The following FHIT variants were observed in gnomAD, a reference collection of about 807,000 sequenced individuals.
FHIT encodes bis(5'-adenosyl)-triphosphatase.
In FHIT, 19 loss-of-function variants were observed where a neutral mutation model predicts 17.9. That is an observed-to-expected ratio of 1.06 (90% CI 0.74 to 1.56). The LOEUF (loss-of-function observed/expected upper bound fraction) is 1.56, where lower values mean the gene tolerates loss of function less well. Among genes scored for constraint, FHIT ranks in the 40% most tolerant of loss-of-function variants. The pLI is 0.00. For synonymous variants in FHIT, 81 were observed against 69.7 expected, an observed-to-expected ratio of 1.16 and a Z score of -0.81; for missense variants, 248 against 189.2, an observed-to-expected ratio of 1.31 and a Z score of -1.82.
chr3:60,517,903 T>C (rs904538830), intron 5 of FHIT, among the ~76,000 whole-genome samples: 1 of 152,230 alleles, frequency 6.6e-6, no homozygotes, highest in African/African-American at 2.4e-5. Flanking sequence ...ATGACACTCC[T>C]GGTCTCTCCA....
chr3:60,537,545 A>G lies in FHIT; in HGVS notation c.-17-566T>C. On this transcript the variant is annotated intron_variant, in intron 4 of 9. Coordinates refer to ENST00000492590, the MANE Select transcript of FHIT (RefSeq NM_002012.4). ...ATAAAGGAGAAAAAAAACATTTAAA[A>G]AGAAGGAAGGAGCAAAACGGAGTTC... The G allele has an allele frequency of 3.7e-6, 3 of 805,524 alleles. No individual in the cohort carries two copies. The African/African-American group carries it at 5.6e-5, about 15-fold the overall frequency. 49.9% of individuals were successfully genotyped at this position (805,524 alleles called of 1,614,324 possible). A position where few individuals can be genotyped will look rare whatever the true frequency, so the allele number is the denominator to read the frequency against.
At chr3:60,450,056 TA>T in intron 5 of FHIT, among the ~76,000 whole-genome samples, 1 of 147,160 alleles carries the variant, frequency 6.8e-6, no homozygotes, top group Non-Finnish European at 1.5e-5. Flanking sequence ...ATGGTAGACC[TA>T]TATAGAGCAC....
At chr3:60,736,731 C>T (rs2042140235) in intron 4 of FHIT, among the ~76,000 whole-genome samples, 1 of 152,156 alleles carries the variant, frequency 6.6e-6, no homozygotes, top group Non-Finnish European at 1.5e-5. Context: ...GGCTACTCAA[C>T]TTTGTATTTA....
intron 8 of FHIT, among the ~76,000 whole-genome samples, chr3:59,807,561 C>T (rs1171341460): frequency 6.6e-6 from 1 of 152,168 alleles, no homozygotes; most frequent in African/African-American, 2.4e-5. Context: ...GGACCCAGAC[C>T]TTCCAAGTCC....
At chr3:60,361,638 T>C (rs1241170638) in intron 5 of FHIT, among the ~76,000 whole-genome samples, 5 of 151,952 alleles carry the variant, frequency 3.3e-5, no homozygotes, top group African/African-American at 1.2e-4. Context: ...GATTCAAGAA[T>C]CAAACAAACA....
chr3:61,225,769 A>G (rs2039955236), intron 1 of FHIT, among the ~76,000 whole-genome samples: 1 of 152,254 alleles, frequency 6.6e-6, no homozygotes, highest in Admixed American at 6.5e-5. Flanking sequence ...GACTTGAATG[A>G]CTGCTGAGTT....
chr3:60,472,782 T>G (rs577716466), intron 5 of FHIT, among the ~76,000 whole-genome samples: 1 of 152,256 alleles, frequency 6.6e-6, no homozygotes, highest in African/African-American at 2.4e-5. Context: ...GAGAGAAAAA[T>G]GACTTGTGTG....
chr3:60,553,330 C>G, intron 4 of FHIT: 1 of 849,054 alleles, frequency 1.2e-6, no homozygotes, highest in Non-Finnish European at 1.4e-6. Flanking sequence ...AGAAACCTAC[C>G]TATGACTCAA....
At chr3:60,792,970 G>A (rs1700837850) in intron 4 of FHIT, among the ~76,000 whole-genome samples, 1 of 152,040 alleles carries the variant, frequency 6.6e-6, no homozygotes, top group African/African-American at 2.4e-5. Context: ...AAAATGAATG[G>A]CTGTGATGAA....
intron 5 of FHIT, among the ~76,000 whole-genome samples, chr3:60,457,377 T>C (rs922091059): frequency 3.3e-5 from 5 of 152,164 alleles, no homozygotes; most frequent in Non-Finnish European, 7.3e-5. Flanking sequence ...CGGCTAGCCA[T>C]GTGTAGAAAG....
rs781973215 is a variant in FHIT at position 60,922,260 on chromosome 3, A to G, written c.-110-100249T>C. Among the ~76,000 whole-genome samples the G allele has an allele frequency of 3.3e-5, 5 of 152,348 alleles. No homozygotes were observed. The East Asian group carries it at 7.7e-4, about 24-fold the overall frequency. On this transcript the variant is annotated intron_variant, in intron 3 of 9. Coordinates refer to ENST00000492590, the MANE Select transcript of FHIT (RefSeq NM_002012.4). ...CGACTTGCTTGGGCACATTTGCTGG[A>G]TAAATTGGCCTCTTTACCTTCATCT...
At chr3:60,490,415 A>G (rs950468285) in intron 5 of FHIT, among the ~76,000 whole-genome samples, 6 of 152,056 alleles carry the variant, frequency 3.9e-5, no homozygotes, top group Non-Finnish European at 7.4e-5. Context: ...TAGACATTCC[A>G]TTTTGCTTTT....
chr3:60,641,942 G>C (rs1285925183), intron 4 of FHIT, among the ~76,000 whole-genome samples: 1 of 151,584 alleles, frequency 6.6e-6, no homozygotes, highest in Non-Finnish European at 1.5e-5. Context: ...AAAAAGCAAA[G>C]AAAGAGAACA....
At chr3:60,569,638 C>A (rs189228936) in intron 4 of FHIT, among the ~76,000 whole-genome samples, 1 of 150,554 alleles carries the variant, frequency 6.6e-6, no homozygotes, top group East Asian at 2.0e-4. Flanking sequence ...CAAGTCCCTC[C>A]CCTACATCTC....
intron 8 of FHIT, among the ~76,000 whole-genome samples, chr3:59,918,504 G>A (rs1370466406): frequency 1.0e-5 from 1 of 99,910 alleles, no homozygotes; most frequent in African/African-American, 2.6e-5. Context: ...AGAACTTGAA[G>A]TTAAAAAACA....
chr3:60,010,346 A>G (rs1172341729), intron 7 of FHIT, among the ~76,000 whole-genome samples: 1 of 152,222 alleles, frequency 6.6e-6, no homozygotes, highest in Admixed American at 6.5e-5. Context: ...TTTTATGATA[A>G]GGAATTTGGT....
chr3:61,216,509 G>T (rs1392926748), intron 1 of FHIT, among the ~76,000 whole-genome samples: 1 of 152,208 alleles, frequency 6.6e-6, no homozygotes, highest in East Asian at 1.9e-4. Flanking sequence ...TGCTGGAAAG[G>T]TTGTGGAGAA....
Position 59,979,081 on chromosome 3 carries a change from T to G in FHIT, c.279+32290A>C, listed in dbSNP as rs1708537746. Among the ~76,000 whole-genome samples, 4 of 152,132 alleles carry G rather than the reference T, an allele frequency of 2.6e-5. No homozygotes were observed. The South Asian group carries it at 8.3e-4, about 32-fold the overall frequency. The stretch of plus-strand genomic sequence containing the variant: ...GTTAGGGTGCTATTCTTTCTGACAT[T>G]GTGTTGGTTTCCTATTGAACATCTG... On this transcript the variant is annotated intron_variant, in intron 7 of 9. Coordinates refer to ENST00000492590, the MANE Select transcript of FHIT (RefSeq NM_002012.4).
chr3:60,285,517 C>T (rs1707683042), intron 5 of FHIT, among the ~76,000 whole-genome samples: 2 of 152,146 alleles, frequency 1.3e-5, no homozygotes, highest in Non-Finnish European at 2.9e-5. Context: ...CACTTGTCTA[C>T]TTGGCTAAGG....
Sources: gnomAD v4.1 joint callset for allele counts (sites outside exome capture counted in the v4.1 genomes callset) on GRCh38, gnomAD v4.1.1 for gene constraint, MANE v1.5 for transcripts, NCBI Gene and HGNC (gene_info 2026-07-23, HGNC 2026-07-21) for gene names.